The following MAGI2 variants were observed in gnomAD, a reference collection of about 807,000 sequenced individuals.
The protein encoded by MAGI2 is membrane associated guanylate kinase, WW and PDZ domain containing 2, also known as membrane-associated guanylate kinase, WW and PDZ domain-containing protein 2.
A neutral mutation model predicts 133.3 loss-of-function variants in MAGI2; 35 were observed. The observed-to-expected ratio is 0.26, with a 90% CI of 0.20 to 0.35. The LOEUF is 0.35. Among genes scored for constraint, MAGI2 ranks in the 10% least tolerant of loss-of-function variants. The probability of loss-of-function intolerance (pLI) is 1.00; values close to 1 mark genes in which losing one functional copy is unlikely to be tolerated. For synonymous variants in MAGI2, 729 were observed against 710.6 expected (o/e 1.03, Z -0.41); for missense variants, 1,636 against 1,863.4 (o/e 0.88, Z 2.25).
At chr7:79,147,975 T>C (rs1822812548) in intron 1 of MAGI2, among the ~76,000 whole-genome samples, 1 of 152,166 alleles carries the variant, frequency 6.6e-6, no homozygotes, top group South Asian at 2.1e-4. Context: ...TGCTTGCTAC[T>C]GTACATAGAT....
At chr7:78,214,360 T>C (rs549686965) in intron 10 of MAGI2, among the ~76,000 whole-genome samples, 1 of 152,366 alleles carries the variant, frequency 6.6e-6, no homozygotes, top group South Asian at 2.1e-4. Flanking sequence ...CTTTTTAAAA[T>C]ACTTACCTAT....
chr7:79,214,098 G>A (rs1829748916), intron 1 of MAGI2, among the ~76,000 whole-genome samples: 1 of 151,854 alleles, frequency 6.6e-6, no homozygotes, highest in African/African-American at 2.4e-5. Flanking sequence ...AAGACCCAAA[G>A]TATAATGTAA....
intron 9 of MAGI2, among the ~76,000 whole-genome samples, chr7:78,292,730 A>C (rs1796846265): frequency 6.6e-6 from 1 of 152,212 alleles, no homozygotes; most frequent in Non-Finnish European, 1.5e-5. Context: ...TGGTACGAAA[A>C]CAGAGATATA....
chr7:78,032,186 A>T (rs1809661703), intron 21 of MAGI2, among the ~76,000 whole-genome samples: 1 of 151,886 alleles, frequency 6.6e-6, no homozygotes, highest in Non-Finnish European at 1.5e-5. Context: ...CTTCTCATTC[A>T]TATCTTTCTA....
At chr7:79,105,020 T>C (rs1818327714) in intron 1 of MAGI2, among the ~76,000 whole-genome samples, 1 of 152,220 alleles carries the variant, frequency 6.6e-6, no homozygotes, top group Non-Finnish European at 1.5e-5. Flanking sequence ...GAAAATTCTA[T>C]TCATTGTTGT....
chr7:78,617,516 A>G (rs1374306997), intron 3 of MAGI2: 1 of 152,082 alleles, frequency 6.6e-6, no homozygotes, highest in African/African-American at 2.4e-5. Context: ...ATTTTAGTCT[A>G]GTGTTATGAA....
chr7:78,729,209 C>G (rs549182918), intron 2 of MAGI2, among the ~76,000 whole-genome samples: 1 of 152,002 alleles, frequency 6.6e-6, no homozygotes, highest in Non-Finnish European at 1.5e-5. Flanking sequence ...CACTGGGATA[C>G]AAGTTAAGAA....
intron 2 of MAGI2, among the ~76,000 whole-genome samples, chr7:78,872,316 A>G (rs531034521): frequency 6.6e-6 from 1 of 152,198 alleles, no homozygotes; most frequent in South Asian, 2.1e-4. Context: ...TTATCAAAAG[A>G]ATAATACATG....
intron 10 of MAGI2, among the ~76,000 whole-genome samples, chr7:78,249,156 C>T (rs1461381008): frequency 6.6e-6 from 1 of 152,084 alleles, no homozygotes; most frequent in Non-Finnish European, 1.5e-5. Context: ...ATCAAAACCA[C>T]AGTGTGATAT....
chr7:78,141,763 A>G (rs1047086797), intron 16 of MAGI2, among the ~76,000 whole-genome samples: 3 of 152,124 alleles, frequency 2.0e-5, no homozygotes, highest in Non-Finnish European at 4.4e-5. Context: ...GCTACCCTGC[A>G]GTTGGTAATA....
At chr7:79,074,874 G>T (rs1352667963) in intron 1 of MAGI2, among the ~76,000 whole-genome samples, 1 of 152,150 alleles carries the variant, frequency 6.6e-6, no homozygotes, top group African/African-American at 2.4e-5. Flanking sequence ...AACTAACTGT[G>T]GCTTAATTAA....
At chr7:78,624,617 G>A (rs1276942683) in intron 3 of MAGI2, among the ~76,000 whole-genome samples, 1 of 152,030 alleles carries the variant, frequency 6.6e-6, no homozygotes, top group Non-Finnish European at 1.5e-5. Flanking sequence ...GGACATAGGG[G>A]AGAAAAACCC....
chr7:79,194,992 C>A (rs1164325451), intron 1 of MAGI2, among the ~76,000 whole-genome samples: 1 of 151,936 alleles, frequency 6.6e-6, no homozygotes, highest in Non-Finnish European at 1.5e-5. Context: ...AGGAGAAGCT[C>A]TTGGGCAATA....
chr7:78,871,345 G>C (rs1361114693), intron 2 of MAGI2, among the ~76,000 whole-genome samples: 2 of 151,874 alleles, frequency 1.3e-5, no homozygotes, highest in African/African-American at 4.8e-5. Flanking sequence ...AATGGACTTT[G>C]GGGACTCAGG....
At position 79,143,072 on chromosome 7, in the gene MAGI2, A is replaced by G. The variant is rs751230147; in HGVS notation, c.302-135866T>C. On this transcript the variant is annotated intron_variant, in intron 1 of 21. Transcript: ENST00000354212. ...GAACAAAGAGTGAAAATAAAAGATC[A>G]GTAAAATAGATGGCTTTTAAACTCT... Among the ~76,000 whole-genome samples the G allele has an allele frequency of 5.7e-4, 87 of 152,344 alleles. 1 individual carries two copies. The highest frequency in any genetic ancestry group is 3.1e-3 in the Admixed American group (47 of 15,306).
intron 3 of MAGI2, among the ~76,000 whole-genome samples, chr7:78,589,634 T>C (rs1803786423): frequency 6.6e-6 from 1 of 152,162 alleles, no homozygotes; most frequent in Non-Finnish European, 1.5e-5. Context: ...AGGTGTGATC[T>C]ACACTTGATC....
chr7:78,392,345 G>C (rs1285848127), intron 6 of MAGI2, among the ~76,000 whole-genome samples: 1 of 152,166 alleles, frequency 6.6e-6, no homozygotes, highest in Non-Finnish European at 1.5e-5. Context: ...GGAAATTGAT[G>C]AGTTCAGGTA....
At chr7:78,573,281 TA>T (rs1801839682) in intron 3 of MAGI2, among the ~76,000 whole-genome samples, 1 of 56,776 alleles carries the variant, frequency 1.8e-5, no homozygotes, top group African/African-American at 1.1e-4. Context: ...TAAATATATA[TA>T]TTTATATAAA....
chr7:78,179,072 T>C (rs1259189654), intron 13 of MAGI2, among the ~76,000 whole-genome samples: 2 of 152,254 alleles, frequency 1.3e-5, no homozygotes, highest in Admixed American at 6.5e-5. Context: ...GTGACCAAGC[T>C]GCGCATACTT....
Sources: gnomAD v4.1 joint callset for allele counts (sites outside exome capture counted in the v4.1 genomes callset) on GRCh38, gnomAD v4.1.1 for gene constraint, MANE v1.5 for transcripts, NCBI Gene and HGNC (gene_info 2026-07-23, HGNC 2026-07-21) for gene names.